LY75: variants seen among roughly 807,000 people sequenced by gnomAD.
The protein encoded by LY75 is lymphocyte antigen 75.
Under a neutral mutation model 231.7 loss-of-function variants are expected in LY75, and 185 were observed. The ratio of observed to expected loss-of-function variants is 0.80; its 90% CI spans 0.71 to 0.90. The LOEUF is 0.90. LY75 is among the 40% of genes least tolerant of loss of function. The probability of loss-of-function intolerance (pLI) is 0.00; values close to 1 mark genes in which losing one functional copy is unlikely to be tolerated. For missense variants in LY75, 1,947 were observed against 2,050.2 expected, an observed-to-expected ratio of 0.95 and a Z score of 0.97; for synonymous variants, 668 against 689.0, an observed-to-expected ratio of 0.97 and a Z score of 0.48.
At chr2:159,840,665 CT>C in intron 25 of LY75, 63 bp downstream of exon 25, 1 of 1,605,988 alleles carries the variant, frequency 6.2e-7, no homozygotes, top group Non-Finnish European at 8.5e-7. Flanking sequence ...GTGAGAGAAG[CT>C]ATGCACAATA....
At chr2:159,858,540 T>A (rs1684609841) in intron 15 of LY75, 64 bp from the exon 16 acceptor site, 2 of 1,514,808 alleles carry the variant, frequency 1.3e-6, no homozygotes, top group Middle Eastern at 2.1e-4. Context: ...AACACTAAAC[T>A]GTAAGCCCTA....
At chr2:159,854,680 A>G (rs971728044) in intron 17 of LY75, 145 bp from the exon 18 acceptor site, 2 of 1,176,944 alleles carry the variant, frequency 1.7e-6, no homozygotes, top group Non-Finnish European at 2.4e-6. Flanking sequence ...ACAAGGAACA[A>G]GAGATTCCTG....
chr2:159,882,422 G>C (rs1574589509), intron 6 of LY75, 107 bp from the exon 7 acceptor site: 2 of 1,458,002 alleles, frequency 1.4e-6, no homozygotes, highest in East Asian at 2.3e-5. Flanking sequence ...GAAAACTGGG[G>C]ACGTGATGTC....
intron 13 of LY75, 179 bp downstream of exon 13, chr2:159,872,272 A>G: frequency 1.5e-6 from 1 of 681,676 alleles, no homozygotes; most frequent in South Asian, 2.6e-5. Flanking sequence ...TAGATTCCTC[A>G]TAGTGTCTGC....
chr2:159,847,589 G>A (rs1429898874), intron 23 of LY75, among the ~76,000 whole-genome samples: 1 of 152,144 alleles, frequency 6.6e-6, no homozygotes, highest in Non-Finnish European at 1.5e-5. Flanking sequence ...AGGTGGGGCA[G>A]GGGTAACATC....
intron 5 of LY75, among the ~76,000 whole-genome samples, chr2:159,885,818 C>A (rs949436600): frequency 6.6e-6 from 1 of 152,136 alleles, no homozygotes; most frequent in African/African-American, 2.4e-5. Context: ...CAGCTTTATA[C>A]TGAAATTAGT....
intron 6 of LY75, among the ~76,000 whole-genome samples, chr2:159,882,546 A>G (rs866304300): frequency 1.3e-5 from 2 of 152,196 alleles, no homozygotes; most frequent in African/African-American, 2.4e-5. Context: ...ACATGCTTCA[A>G]TGTGCTATAT....
chr2:159,867,522 T>C (rs1407652457), intron 13 of LY75, among the ~76,000 whole-genome samples: 1 of 152,194 alleles, frequency 6.6e-6, no homozygotes. Context: ...ACTAAGTATA[T>C]GGTTTTAAAA....
intron 13 of LY75, among the ~76,000 whole-genome samples, chr2:159,865,146 C>G (rs1458663306): frequency 6.6e-6 from 1 of 152,046 alleles, no homozygotes; most frequent in Non-Finnish European, 1.5e-5. Flanking sequence ...AAAAACCATT[C>G]TACTTTGAAT....
chr2:159,893,774 T>C, intron 3 of LY75, 140 bp downstream of exon 3: 1 of 1,253,010 alleles, frequency 8.0e-7, no homozygotes, highest in South Asian at 1.6e-5. Context: ...ATTACCTCTC[T>C]CTTCTCCTCC....
At chr2:159,883,378 C>G (rs1371712218) in intron 6 of LY75, among the ~76,000 whole-genome samples, 1 of 148,690 alleles carries the variant, frequency 6.7e-6, no homozygotes, top group East Asian at 2.1e-4. Flanking sequence ...TGCGAGATAA[C>G]TCAATTAACT....
Position 159,893,914 on chromosome 2 carries a change from C to T in LY75, c.637G>A (p.Glu213Lys), listed in dbSNP as rs377529179. 1 of 1,606,644 alleles carries T rather than the reference C, an allele frequency of 6.2e-7. No homozygotes were observed. Among genetic ancestry groups the T allele is most frequent in the Non-Finnish European group, 8.5e-7 (1 of 1,176,608 alleles). The change falls in exon 3 of 35, where the codon GAA becomes AAA. Residue 213 changes from glutamate to lysine, a missense_variant and splice_region_variant. Transcript: ENST00000263636. ...ATAAAATTTACCAGCCCATACATAC[C>T]AGGCTTTAAGCAGATGCCCCACTTT... is the stretch of plus-strand genomic sequence containing the variant. ...DRKWGICLKP[E>K]NGCEDNWEKN...
intron 32 of LY75, among the ~76,000 whole-genome samples, chr2:159,809,630 CTTTTA>C (rs979983335): frequency 4.6e-5 from 7 of 151,494 alleles, no homozygotes; most frequent in Non-Finnish European, 2.9e-5. Flanking sequence ...CACTTAGCCA[CTTTTA>C]TTTTATTATT....
chr2:159,835,376 C>G (rs1683787372), intron 26 of LY75, 104 bp downstream of exon 26: 1 of 1,274,892 alleles, frequency 7.8e-7, no homozygotes, highest in Non-Finnish European at 1.0e-6. Context: ...ACTATAATTT[C>G]TTCACAATTC....
At chr2:159,854,297 TA>T in intron 18 of LY75, 62 bp downstream of exon 18, 1 of 1,214,018 alleles carries the variant, frequency 8.2e-7, no homozygotes, top group Non-Finnish European at 1.0e-6. Context: ...ATTTTTGTAA[TA>T]TTTTTAAATG....
chr2:159,807,247 A>C (rs554888629), intron 33 of LY75, 107 bp from the exon 34 acceptor site: 1 of 1,252,344 alleles, frequency 8.0e-7, no homozygotes. Flanking sequence ...TATGAGAGCC[A>C]CTTGTTAAAA....
At chr2:159,850,791 T>TATATATATATATATATATAA (rs1341394980) in intron 21 of LY75, among the ~76,000 whole-genome samples, 63 of 94,464 alleles carry the variant, frequency 6.7e-4, no homozygotes, top group Non-Finnish European at 8.7e-4. Context: ...TATATATATA[T>TATATATATATATATATATAA]ATATATATTA....
At position 159,885,232 on chromosome 2, in the gene LY75, A is replaced by G. The variant is rs1294974599; in HGVS notation, c.975T>C (p.Gly325=). 1 of 1,613,740 alleles carries G rather than the reference A, an allele frequency of 6.2e-7. No homozygotes were observed. The highest frequency in any genetic ancestry group is 2.2e-5 in the East Asian group (1 of 44,878). ...CTTCACAGGAAAAGCTCTGCCACAG[A>G]CCAGACTCAGCATCCATTCTTGCAC... is the stretch of plus-strand genomic sequence containing the variant. ...SSCARMDAES[G]LWQSFSCEAQ... The change falls in exon 6 of 35, where the codon GGT becomes GGC. Residue 325 remains glycine (G), a synonymous_variant. Transcript: ENST00000263636.
intron 9 of LY75, among the ~76,000 whole-genome samples, chr2:159,878,947 G>A (rs1685355035): frequency 6.6e-6 from 1 of 152,038 alleles, no homozygotes; most frequent in African/African-American, 2.4e-5. Flanking sequence ...TCATATGGGT[G>A]GCTGGCTCAT....
Sources: gnomAD v4.1 joint callset for allele counts (sites outside exome capture counted in the v4.1 genomes callset) on GRCh38, gnomAD v4.1.1 for gene constraint, MANE v1.5 for transcripts, NCBI Gene and HGNC (gene_info 2026-07-23, HGNC 2026-07-21) for gene names.